Variants in SAP130 observed in about 807,000 individuals in gnomAD.
The protein encoded by SAP130 is histone deacetylase complex subunit SAP130.
A neutral mutation model predicts 103.2 loss-of-function variants in SAP130; 16 were observed. That is an observed-to-expected ratio of 0.16 (90% CI 0.10 to 0.24). The LOEUF is 0.24. SAP130 is among the 10% of genes least tolerant of loss of function. SAP130 has a pLI of 1.00. For missense variants in SAP130, 990 were observed against 1,359.7 expected, an observed-to-expected ratio of 0.73 and a Z score of 4.28; for synonymous variants, 477 against 497.0, an observed-to-expected ratio of 0.96 and a Z score of 0.53.
chr2:127,961,689 G>A (rs1177789742), intron 15 of SAP130, among the ~76,000 whole-genome samples: 4 of 152,152 alleles, frequency 2.6e-5, no homozygotes, highest in Admixed American at 1.3e-4. Context: ...GAAGGTGAGC[G>A]GAATGCACGC....
chr2:128,025,825 C>T (rs933999650), intron 2 of SAP130, among the ~76,000 whole-genome samples: 1 of 152,136 alleles, frequency 6.6e-6, no homozygotes, highest in Admixed American at 6.5e-5. Context: ...CACTTCTTTT[C>T]CTAGATAATA....
At chr2:128,006,494 G>A (rs1259021885) in intron 7 of SAP130, among the ~76,000 whole-genome samples, 1 of 152,184 alleles carries the variant, frequency 6.6e-6, no homozygotes, top group Non-Finnish European at 1.5e-5. Context: ...TGAAACCAAG[G>A]CTGGGTGTGG....
intron 12 of SAP130, among the ~76,000 whole-genome samples, chr2:127,990,839 G>C (rs1682737672): frequency 6.6e-6 from 1 of 151,532 alleles, no homozygotes; most frequent in Non-Finnish European, 1.5e-5. Context: ...TACTCAGGAG[G>C]CTGAGATGGG....
chr2:128,008,848 G>A (rs554149601), intron 7 of SAP130, among the ~76,000 whole-genome samples: 3 of 151,750 alleles, frequency 2.0e-5, no homozygotes, highest in Admixed American at 2.0e-4. Context: ...ACCATGCCTG[G>A]CTACTTTTTT....
At chr2:128,014,211 T>G (rs1684600458) in intron 5 of SAP130, among the ~76,000 whole-genome samples, 1 of 150,432 alleles carries the variant, frequency 6.6e-6, no homozygotes, top group African/African-American at 2.5e-5. Context: ...TAAGTTTATT[T>G]CTACTGTCTT....
intron 15 of SAP130, among the ~76,000 whole-genome samples, chr2:127,966,572 G>A (rs1173206802): frequency 1.3e-5 from 2 of 151,906 alleles, no homozygotes; most frequent in Non-Finnish European, 1.5e-5. Flanking sequence ...ATGTGGTGGC[G>A]CATGCTTGTA....
At chr2:127,982,410 C>T (rs778081596) in intron 14 of SAP130, among the ~76,000 whole-genome samples, 5 of 152,170 alleles carry the variant, frequency 3.3e-5, no homozygotes, top group Non-Finnish European at 7.3e-5. Flanking sequence ...GAGGAACAGA[C>T]AGAGGCAGGA....
At chr2:127,948,488 C>T (rs1294933272) in intron 18 of SAP130, among the ~76,000 whole-genome samples, 2 of 151,458 alleles carry the variant, frequency 1.3e-5, no homozygotes, top group African/African-American at 2.4e-5. Context: ...TACAGGCACC[C>T]GCCATCATGC....
intron 19 of SAP130, among the ~76,000 whole-genome samples, chr2:127,944,554 C>T (rs544497597): frequency 2.6e-5 from 4 of 151,824 alleles, no homozygotes; most frequent in South Asian, 2.1e-4. Context: ...CTCAGCCTCC[C>T]GAGTAGCTGG....
At chr2:128,010,182 A>G (rs985905254) in intron 7 of SAP130, 87 bp downstream of exon 7, 1 of 1,435,264 alleles carries the variant, frequency 7.0e-7, no homozygotes, top group Admixed American at 2.2e-5. Flanking sequence ...CACTCAATAA[A>G]TATTTACTTA....
At position 127,955,307 on chromosome 2, in the gene SAP130, T is replaced by C. The variant is rs960238823; in HGVS notation, c.2101A>G (p.Thr701Ala). 2 of 1,599,252 alleles carry C rather than the reference T, an allele frequency of 1.3e-6. No individual in the cohort carries two copies. The highest frequency in any genetic ancestry group is 3.4e-5 in the Admixed American group (2 of 59,552). Reference protein sequence around the residue: ...PKSEIHVSMATPVTVSMETVS... With the variant: ...PKSEIHVSMAAPVTVSMETVS... The stretch of plus-strand genomic sequence containing the variant: ...GTCTCCATGGACACAGTGACCGGAG[T>C]GGCCATAGACACGTGGATTTCAGAC... Residue 701 changes from threonine to alanine, a missense_variant, in exon 16 of 21, where the codon ACT becomes GCT. Thr to Ala is a moderately conservative substitution (Grantham distance 58, BLOSUM62 0). Transcript: ENST00000643581. The surrounding 1 kb of genome is among the most constrained non-coding windows in gnomAD (Gnocchi z 4.9).
At chr2:127,975,247 C>G (rs1221207428) in intron 15 of SAP130, among the ~76,000 whole-genome samples, 1 of 152,014 alleles carries the variant, frequency 6.6e-6, no homozygotes, top group Non-Finnish European at 1.5e-5. Flanking sequence ...AGTGATAAAC[C>G]AATGTGAAAT....
At chr2:128,013,244 C>A in intron 5 of SAP130, 90 bp from the exon 6 acceptor site, 1 of 1,245,484 alleles carries the variant, frequency 8.0e-7, no homozygotes, top group Admixed American at 2.7e-5. Context: ...GATAGCATGT[C>A]AATATCGAGC....
chr2:128,006,602 C>T (rs1683989593), intron 7 of SAP130, among the ~76,000 whole-genome samples: 1 of 151,996 alleles, frequency 6.6e-6, no homozygotes, highest in African/African-American at 2.4e-5. Flanking sequence ...TAGGGAGACC[C>T]TGTCTCTACA....
chr2:127,989,600 C>A lies in SAP130; in HGVS notation c.1744G>T (p.Gly582Cys). ...CCTTCAGGCTGAGGCTGCTGAGTAC[C>A]CATAGGTGCAGGCTGAAGCCCTTGT... ...NTQGLQPAPM[G>C]TQQPQPEGKT... Residue 582 changes from glycine (G) to cysteine (C), a missense_variant, in exon 13 of 21, where the codon GGT becomes TGT. Gly to Cys is a radical substitution (Grantham distance 159). Coordinates refer to ENST00000643581, the MANE Select transcript of SAP130 (RefSeq NM_001330301.2). The surrounding 1 kb of genome is among the most constrained non-coding windows in gnomAD (Gnocchi z 4.6). 6.2e-7 allele frequency: 1 copy of A among 1,613,980 alleles called. No individual in the cohort carries two copies.
intron 15 of SAP130, among the ~76,000 whole-genome samples, chr2:127,961,903 C>G (rs886207932): frequency 6.6e-6 from 1 of 152,124 alleles, no homozygotes; most frequent in African/African-American, 2.4e-5. Flanking sequence ...TTCAGGAGAG[C>G]TGCATTTCAG....
intron 16 of SAP130, among the ~76,000 whole-genome samples, chr2:127,951,867 C>A (rs1489859680): frequency 6.6e-6 from 1 of 152,146 alleles, no homozygotes; most frequent in Non-Finnish European, 1.5e-5. Context: ...ACCATCTGTA[C>A]TCTCAGTGGA....
At position 127,955,075 on chromosome 2, in the gene SAP130, C is replaced by T; in HGVS notation, c.2333G>A (p.Gly778Asp). Residue 778 changes from glycine (G) to aspartate (D), a missense_variant, in exon 16 of 21, where the codon GGC becomes GAC. This residue lies in a region of SAP130 where 349 missense variants were observed against 384.1 expected (regional missense o/e 0.91). Transcript: ENST00000643581. The surrounding 1 kb of genome is among the most constrained non-coding windows in gnomAD (Gnocchi z 4.9). The part of the protein sequence containing the change: ...AAPPPSVTVG[G>D]SLSSVLGPPV... ...AGGGCCCAAGACGGAGGAAAGACTG[C>T]CACCCACAGTGACTGATGGAGGTGG... 6.2e-7 allele frequency: 1 copy of T among 1,614,170 alleles called. No individual in the cohort carries two copies. The highest frequency in any genetic ancestry group is 8.5e-7 in the Non-Finnish European group (1 of 1,180,018).
At chr2:127,947,764 C>CTGTGTGTGAGAGTGTGTGTG (rs1553500425) in intron 18 of SAP130, among the ~76,000 whole-genome samples, 2 of 143,312 alleles carry the variant, frequency 1.4e-5, no homozygotes, top group Non-Finnish European at 3.0e-5. Context: ...TTGTGTGTGT[C>CTGTGTGTGAGAGTGTGTGTG]TGTGTGTGTG....
Sources: allele counts gnomAD v4.1 joint callset (sites outside exome capture counted in the v4.1 genomes callset), GRCh38; gene constraint gnomAD v4.1.1; regional missense constraint gnomAD v4.1.1; non-coding constraint Gnocchi (gnomAD v3.1); transcripts MANE v1.5; gene names NCBI Gene and HGNC (gene_info 2026-07-23, HGNC 2026-07-21).